ASB10: variants seen among roughly 807,000 people sequenced by gnomAD.
ASB10 encodes ankyrin repeat and SOCS box protein 10.
A neutral mutation model predicts 35.4 loss-of-function variants in ASB10; 44 were observed. The observed-to-expected ratio is 1.24, with a 90% CI of 0.98 to 1.60. ASB10 has a LOEUF of 1.60. Among genes scored for constraint, ASB10 ranks in the 40% most tolerant of loss-of-function variants. The probability of loss-of-function intolerance (pLI) is 0.00; values close to 1 mark genes in which losing one functional copy is unlikely to be tolerated. For synonymous variants in ASB10, 294 were observed against 280.4 expected, an observed-to-expected ratio of 1.05 and a Z score of -0.49; for missense variants, 647 against 634.3, an observed-to-expected ratio of 1.02 and a Z score of -0.22.
chr7:151,181,475 G>T lies in ASB10; in HGVS notation c.585-17C>A. On this transcript the variant is annotated splice_polypyrimidine_tract_variant and intron_variant, in intron 2 of 5. Transcript: ENST00000420175. ...TCCGCACACCTATTGGGGGGAGACGGTGGTGGGGAGGAAAGCGGGCACGGA... is the reference window on the plus strand; with the variant it reads ...TCCGCACACCTATTGGGGGGAGACGTTGGTGGGGAGGAAAGCGGGCACGGA... The T allele has an allele frequency of 2.6e-6, 4 of 1,561,222 alleles. No individual in the cohort carries two copies. Among genetic ancestry groups the T allele is most frequent in the Non-Finnish European group, 3.5e-6 (4 of 1,148,640 alleles).
chr7:151,187,244 C>T lies in ASB10; in HGVS notation c.-114G>A, dbSNP rs780409386. 3.0e-5 allele frequency: 46 copies of T among 1,522,854 alleles called. No homozygotes were observed. Among genetic ancestry groups the T allele is most frequent in the South Asian group, 1.9e-4 (15 of 78,348 alleles). 94.3% of individuals were successfully genotyped at this position (1,522,854 alleles called of 1,614,324 possible). A position where few individuals can be genotyped will look rare whatever the true frequency, so the allele number is the denominator to read the frequency against. On this transcript the variant is annotated 5_prime_UTR_variant, in exon 1 of 6. Transcript: ENST00000420175. The surrounding 1 kb of genome is among the most constrained non-coding windows in gnomAD (Gnocchi z 5.3). ...CAGAAGGCCCCTGTGTCCCACGCTCCGAGGCTGACCTGGCCACGCATCCAG... is the reference window on the plus strand; with the variant it reads ...CAGAAGGCCCCTGTGTCCCACGCTCTGAGGCTGACCTGGCCACGCATCCAG...
chr7:151,176,640 C>G lies in ASB10; in HGVS notation c.1141G>C (p.Glu381Gln), dbSNP rs754547437. ...ACACTGTAGGTGTTCATCAGGACCT[C>G]GATGGTCCGAGGGCACGTGCTCCAG... ...ERWSTCPRTIEVLMNTYSVVQ... is the reference protein window; with the variant it reads ...ERWSTCPRTIQVLMNTYSVVQ... Residue 381 changes from glutamate to glutamine, a missense_variant, in exon 4 of 6, where the codon GAG becomes CAG. Coordinates refer to ENST00000420175, the MANE Select transcript of ASB10 (RefSeq NM_001142459.2). The G allele has an allele frequency of 3.0e-4, 471 of 1,551,376 alleles. No homozygotes were observed. Among genetic ancestry groups the G allele is most frequent in the Non-Finnish European group, 3.9e-4 (449 of 1,146,944 alleles).
chr7:151,176,433 C>T (rs1801389838), intron 4 of ASB10, 130 bp downstream of exon 4: 3 of 1,459,260 alleles, frequency 2.1e-6, no homozygotes, highest in Non-Finnish European at 2.7e-6. Context: ...TTTGAGTGTT[C>T]ACTCTGCAAG....
intron 3 of ASB10, among the ~76,000 whole-genome samples, chr7:151,179,749 C>T (rs1563567998): frequency 6.6e-6 from 1 of 152,212 alleles, no homozygotes; most frequent in Non-Finnish European, 1.5e-5. Context: ...TGGAGCAGGG[C>T]TGTGGGGACC....
intron 5 of ASB10, 24 bp downstream of exon 5, chr7:151,176,088 C>T (rs1432344445): frequency 6.2e-7 from 1 of 1,607,748 alleles, no homozygotes; most frequent in Non-Finnish European, 8.5e-7. Context: ...GCAGCTGTGA[C>T]TGCTCACAGA....
intron 2 of ASB10, among the ~76,000 whole-genome samples, chr7:151,182,020 C>G (rs1584815443): frequency 6.6e-6 from 1 of 152,218 alleles, no homozygotes; most frequent in South Asian, 2.1e-4. Flanking sequence ...TTAGAACAGG[C>G]GCCTGCTAAG....
At position 151,178,000 on chromosome 7, in the gene ASB10, C is replaced by T. The variant is rs150492976; in HGVS notation, c.1105-1324G>A. Among the ~76,000 whole-genome samples, 1,733 of 152,268 alleles carry T rather than the reference C, an allele frequency of 0.011. 155 individuals are homozygous for T. In the East Asian group the frequency reaches 0.24, roughly 21 times the overall value. On this transcript the variant is annotated intron_variant, in intron 3 of 5. Coordinates refer to ENST00000420175, the MANE Select transcript of ASB10 (RefSeq NM_001142459.2). ...TGGCGGCTCATGCCTGTAATCCCAG[C>T]GCTTTGGGAGGCCGAGGTGGGTGGA...
chr7:151,187,472 C>T (rs1040605521), upstream of ASB10: 34 of 1,551,266 alleles, frequency 2.2e-5, no homozygotes, highest in Admixed American at 9.8e-5. The surrounding 1 kb of genome is among the most constrained non-coding windows in gnomAD (Gnocchi z 5.3). Context: ...GCTGCTCCAG[C>T]GAGGCTCTGC....
At chr7:151,179,458 A>G (rs1801448362) in intron 3 of ASB10, among the ~76,000 whole-genome samples, 1 of 152,224 alleles carries the variant, frequency 6.6e-6, no homozygotes, top group African/African-American at 2.4e-5. Flanking sequence ...ACAGCTTTCC[A>G]TCCTGTTAGG....
rs749102984 is a variant in ASB10, at chr7:151,186,661, T to G, written c.317-2A>C. 1.9e-6 allele frequency: 3 copies of G among 1,600,692 alleles called. No homozygotes were observed. The Admixed American group carries it at 5.1e-5, about 27-fold the overall frequency. On this transcript the variant is annotated splice_acceptor_variant, in intron 1 of 5. Transcript: ENST00000420175. LOFTEE classifies it high-confidence loss of function. ...CTTCGTATGTCAGAGACCAGAGTCC[T>G]AGGGAGGGGAGACGTGGGCCTCAGA...
chr7:151,176,220 C>G lies in ASB10; in HGVS notation c.1296G>C (p.Ala432=). The G allele has an allele frequency of 1.9e-6, 3 of 1,605,030 alleles. No homozygotes were observed. The highest frequency in any genetic ancestry group is 2.5e-6 in the Non-Finnish European group (3 of 1,176,618). ...PRSLQHLSRC[A]LRSHLEGSLP... ...GGCTGCCCTCCAGGTGGGAGCGGAG[C>G]GCACAGCGGCTCAAATGCTGCAGCG... The change falls in exon 5 of 6, where the codon GCG becomes GCC. Residue 432 remains alanine (A), a synonymous_variant. Transcript: ENST00000420175.
At chr7:151,187,519 C>A (rs104886469), upstream of ASB10, 580 of 1,551,414 alleles carry the variant, frequency 3.7e-4, no homozygotes, top group Non-Finnish European at 4.7e-4. This position sits in a 1 kb window ranked among gnomAD's most constrained non-coding sequence, Gnocchi z 5.3. Flanking sequence ...CTGTGCTGTG[C>A]GGGGGGAACA....
Position 151,186,811 on chromosome 7 carries a change from G to C in ASB10, c.316+4C>G. The C allele has an allele frequency of 6.3e-7, 1 of 1,584,908 alleles. No individual in the cohort carries two copies. The highest frequency in any genetic ancestry group is 8.6e-7 in the Non-Finnish European group (1 of 1,162,326). On this transcript the variant is annotated splice_donor_region_variant and intron_variant, in intron 1 of 5. Transcript: ENST00000420175. ...CTGAGAGCCCCCAGTGCCCCGGCCC[G>C]TACTCAGAGCACGGATGTTGAAGCG...
intron 3 of ASB10, among the ~76,000 whole-genome samples, chr7:151,180,720 G>A (rs978227633): frequency 4.6e-5 from 7 of 152,070 alleles, no homozygotes; most frequent in Admixed American, 1.3e-4. Flanking sequence ...CGCACACCAT[G>A]TATACACATG....
Position 151,186,374 on chromosome 7 carries a change from G to A in ASB10, c.584+18C>T. On this transcript the variant is annotated intron_variant, in intron 2 of 5. Transcript: ENST00000420175. ...CCCTTCAGAGTGGAACTGGGGGTTGGGGTGAGGGGTCACTCACTCAAGGGT... is the reference window on the plus strand; with the variant it reads ...CCCTTCAGAGTGGAACTGGGGGTTGAGGTGAGGGGTCACTCACTCAAGGGT... The A allele has an allele frequency of 6.4e-7, 1 of 1,568,648 alleles. No individual in the cohort carries two copies. The highest frequency in any genetic ancestry group is 1.3e-5 in the African/African-American group (1 of 74,100).
intron 2 of ASB10, 108 bp downstream of exon 2, chr7:151,186,284 C>A: frequency 7.3e-7 from 1 of 1,378,484 alleles, no homozygotes; most frequent in Non-Finnish European, 9.7e-7. Flanking sequence ...CGCCCCAAGC[C>A]TGGACTGCTC....
intron 3 of ASB10, among the ~76,000 whole-genome samples, 187 bp from the exon 4 acceptor site, chr7:151,176,863 G>A (rs1563565266): frequency 6.6e-6 from 1 of 152,234 alleles, no homozygotes; most frequent in Non-Finnish European, 1.5e-5. Context: ...TTAAAATGTG[G>A]TCATTAGGGT....
chr7:151,182,199 G>A (rs1229262890), intron 2 of ASB10, among the ~76,000 whole-genome samples: 1 of 152,168 alleles, frequency 6.6e-6, no homozygotes, highest in Non-Finnish European at 1.5e-5. Flanking sequence ...GGACTGTTGG[G>A]GGATCTGCAT....
In ASB10 at chr7:151,176,680, TG is replaced by T; in HGVS notation, c.1105-5del. On this transcript the variant is annotated splice_polypyrimidine_tract_variant and splice_region_variant and intron_variant, in intron 3 of 5. Transcript: ENST00000420175. Reference sequence around the variant, plus strand: ...ACGTGCTCCAGCGCTCCAGCACCTGTGGGAGGCAGAGGCATGTTGGGTCCTC... The same window carrying T: ...ACGTGCTCCAGCGCTCCAGCACCTGTGGAGGCAGAGGCATGTTGGGTCCTC... The T allele has an allele frequency of 6.5e-7, 1 of 1,547,674 alleles. No individual in the cohort carries two copies. The highest frequency in any genetic ancestry group is 8.7e-7 in the Non-Finnish European group (1 of 1,143,746).
Sources: allele counts gnomAD v4.1 joint callset (sites outside exome capture counted in the v4.1 genomes callset), GRCh38; gene constraint gnomAD v4.1.1; non-coding constraint Gnocchi (gnomAD v3.1); transcripts MANE v1.5; gene names NCBI Gene and HGNC (gene_info 2026-07-23, HGNC 2026-07-21).